ZNF107: variants seen among roughly 807,000 people sequenced by gnomAD.
The protein encoded by ZNF107 is zinc finger protein 107.
A neutral mutation model predicts 12.3 loss-of-function variants in ZNF107; 19 were observed. The ratio of observed to expected loss-of-function variants is 1.55; its 90% CI spans 1.08 to 2.27. ZNF107 has a LOEUF of 2.27. ZNF107 is among the 30% of genes most tolerant of loss of function. The probability of loss-of-function intolerance (pLI) is 0.00; values close to 1 mark genes in which losing one functional copy is unlikely to be tolerated. For synonymous variants in ZNF107, 317 were observed against 330.5 expected, an observed-to-expected ratio of 0.96 and a Z score of 0.44; for missense variants, 958 against 979.9, an observed-to-expected ratio of 0.98 and a Z score of 0.30.
chr7:64,703,585 A>G (rs1790544100), intron 3 of ZNF107, among the ~76,000 whole-genome samples: 1 of 152,078 alleles, frequency 6.6e-6, no homozygotes. Context: ...ACCCACCACC[A>G]TGCCCAGCTA....
chr7:64,704,942 G>A (rs1790591193), intron 3 of ZNF107, among the ~76,000 whole-genome samples: 2 of 152,254 alleles, frequency 1.3e-5, no homozygotes, highest in South Asian at 4.1e-4. Context: ...GTCTCCCAAT[G>A]TGCTGGGATT....
chr7:64,679,294 C>T (rs1205849377), intron 1 of ZNF107: 2 of 985,034 alleles, frequency 2.0e-6, no homozygotes, highest in African/African-American at 3.5e-5. Flanking sequence ...ACCTCGGTAC[C>T]TCGGACCAGC....
At chr7:64,693,092 G>A (rs1242103482) in intron 3 of ZNF107, among the ~76,000 whole-genome samples, 1 of 151,630 alleles carries the variant, frequency 6.6e-6, no homozygotes. Flanking sequence ...TCTGCCTCCC[G>A]GGTTCACACC....
At chr7:64,693,577 TTTATTGGC>T (rs1790191657) in intron 3 of ZNF107, among the ~76,000 whole-genome samples, 1 of 151,960 alleles carries the variant, frequency 6.6e-6, no homozygotes, top group African/African-American at 2.4e-5. Context: ...AGGGTCCACC[TTTATTGGC>T]TTGTTACTAG....
intron 1 of ZNF107, among the ~76,000 whole-genome samples, chr7:64,678,234 A>C (rs996496366): frequency 6.6e-6 from 1 of 152,230 alleles, no homozygotes; most frequent in African/African-American, 2.4e-5. Context: ...GAGCACACAA[A>C]AGTTGAGCAC....
chr7:64,707,256 C>A lies in ZNF107; in HGVS notation c.1159C>A (p.His387Asn). Residue 387 changes from histidine (H) to asparagine (N), a missense_variant, in exon 4 of 4, where the codon CAT (histidine) becomes AAT (asparagine). His to Asn is a moderately conservative substitution (Grantham distance 68). Transcript: ENST00000620827. ...AFNRSLKLTA[H>N]KKILMEEKPY... Reference sequence around the variant, plus strand: ...TAACCGATCCTTAAAACTTACTGCACATAAGAAAATTCTAATGGAAGAGAA... The same window carrying A: ...TAACCGATCCTTAAAACTTACTGCAAATAAGAAAATTCTAATGGAAGAGAA... The A allele has an allele frequency of 6.2e-7, 1 of 1,613,206 alleles. No homozygotes were observed. Among genetic ancestry groups the A allele is most frequent in the African/African-American group, 1.3e-5 (1 of 74,924 alleles).
chr7:64,680,912 C>T (rs1461443081), intron 1 of ZNF107, among the ~76,000 whole-genome samples: 4 of 152,170 alleles, frequency 2.6e-5, no homozygotes, highest in Non-Finnish European at 5.9e-5. Flanking sequence ...GATTTCAAGG[C>T]ATCCAGACCG....
At chr7:64,674,943 A>T (rs755717450) in intron 1 of ZNF107, among the ~76,000 whole-genome samples, 1 of 152,230 alleles carries the variant, frequency 6.6e-6, no homozygotes, top group Non-Finnish European at 1.5e-5. Flanking sequence ...CTTATATGCC[A>T]GGGATAAAGT....
intron 1 of ZNF107, among the ~76,000 whole-genome samples, chr7:64,678,376 G>C (rs369981708): frequency 6.6e-6 from 1 of 152,286 alleles, no homozygotes; most frequent in East Asian, 1.9e-4. Context: ...CATTGCAAAA[G>C]CGAGGTTCAG....
chr7:64,709,891 A>G lies in ZNF107; in HGVS notation c.*1235A>G. ...TGTAATGCCAGCACTTTGGGAGGCC[A>G]AGGTGGGTGGATCACCTGAGGGCAG... On this transcript the variant is annotated 3_prime_UTR_variant, in exon 4 of 4. Transcript: ENST00000620827. 1 of 355,816 alleles carries G rather than the reference A, an allele frequency of 2.8e-6. No individual in the cohort carries two copies. The highest frequency in any genetic ancestry group is 5.4e-6 in the Non-Finnish European group (1 of 185,932). 22.0% of individuals were successfully genotyped at this position (355,816 alleles called of 1,614,324 possible).
At chr7:64,690,878 A>G (rs902424149) in intron 1 of ZNF107, among the ~76,000 whole-genome samples, 13 of 152,066 alleles carry the variant, frequency 8.5e-5, no homozygotes, top group African/African-American at 3.1e-4. Context: ...AGTAACTGGG[A>G]TTACAGACAT....
chr7:64,676,552 G>A (rs1009520613), intron 1 of ZNF107, among the ~76,000 whole-genome samples: 14 of 152,116 alleles, frequency 9.2e-5, no homozygotes, highest in Admixed American at 6.5e-5. Flanking sequence ...GTGCACCTGT[G>A]AAAGCAAATT....
intron 1 of ZNF107, chr7:64,687,284 T>C (rs1309375304): frequency 1.0e-6 from 1 of 985,394 alleles, no homozygotes; most frequent in Admixed American, 6.2e-5. Flanking sequence ...TCCAGCAGAG[T>C]GATTTCCATG....
intron 1 of ZNF107, among the ~76,000 whole-genome samples, chr7:64,681,201 C>T (rs139941215): frequency 6.2e-4 from 94 of 152,154 alleles, no homozygotes; most frequent in African/African-American, 2.1e-3. Context: ...TCATGGACCT[C>T]GGGTAACTCT....
Position 64,707,158 on chromosome 7 carries a change from C to T in ZNF107, c.1061C>T (p.Ser354Leu), listed in dbSNP as rs370068266. The change falls in exon 4 of 4, where the codon TCA becomes TTA. Residue 354 changes from serine (S) to leucine (L), a missense_variant. Physicochemically the swap from Ser to Leu is moderately radical, Grantham distance 145. Transcript: ENST00000620827. Reference protein sequence around the residue: ...KECGRAFNISSNLNKQEKIHT... With the variant: ...KECGRAFNISLNLNKQEKIHT... ...TGTGGCAGAGCTTTTAACATATCCT[C>T]AAACCTTAATAAACAGGAGAAAATT... 13 of 1,613,612 alleles carry T rather than the reference C, an allele frequency of 8.1e-6. No homozygotes were observed. Among genetic ancestry groups the T allele is most frequent in the Non-Finnish European group, 9.3e-6 (11 of 1,179,838 alleles).
Position 64,709,637 on chromosome 7 carries a change from CT to C in ZNF107, c.*985del. On this transcript the variant is annotated 3_prime_UTR_variant, in exon 4 of 4. Transcript: ENST00000620827. Reference sequence around the variant, plus strand: ...TGGAAGTGTAAAAAATGTGGCAACACTTTTAATAAATGCTCACCCCTTATTG... The same window carrying C: ...TGGAAGTGTAAAAAATGTGGCAACACTTTAATAAATGCTCACCCCTTATTG... 2.2e-6 allele frequency: 1 copy of C among 444,954 alleles called. No homozygotes were observed. The highest frequency in any genetic ancestry group is 4.5e-6 in the Non-Finnish European group (1 of 224,276). 27.6% of individuals were successfully genotyped at this position (444,954 alleles called of 1,614,324 possible). A position where few individuals can be genotyped will look rare whatever the true frequency, so the allele number is the denominator to read the frequency against.
In ZNF107 at chr7:64,666,219, C is replaced by T; in HGVS notation, c.-64C>T. On this transcript the variant is annotated 5_prime_UTR_variant, in exon 1 of 4. Transcript: ENST00000620827. ...CTCCTAGAGGCCCAGCCTCTGTGTC[C>T]CTGTGACCTGCAGATATTGGGAGAT... is the stretch of plus-strand genomic sequence containing the variant. 6.3e-7 allele frequency: 1 copy of T among 1,596,048 alleles called. No individual in the cohort carries two copies. Among genetic ancestry groups the T allele is most frequent in the East Asian group, 2.3e-5 (1 of 44,144 alleles).
In ZNF107 at chr7:64,685,286, A is replaced by G. The variant is rs139185072; in HGVS notation, c.4-5962A>G. ...CTACCTCTAGGTCACCTACTGTTCC[A>G]TCAGTGCAACTACGCCTTGCAGCTT... On this transcript the variant is annotated intron_variant, in intron 1 of 3. Coordinates refer to ENST00000620827, the MANE Select transcript of ZNF107 (RefSeq NM_001282359.2). Among the ~76,000 whole-genome samples, 1,027 of 152,272 alleles carry G rather than the reference A, an allele frequency of 6.7e-3. 12 individuals are homozygous for G. Among genetic ancestry groups the G allele is most frequent in the African/African-American group, 0.024 (978 of 41,564 alleles).
At chr7:64,704,179 C>T (rs1181043484) in intron 3 of ZNF107, among the ~76,000 whole-genome samples, 1 of 151,944 alleles carries the variant, frequency 6.6e-6, no homozygotes, top group Non-Finnish European at 1.5e-5. Context: ...ATTAAAAATG[C>T]TTTATGCGCC....
Sources: allele counts gnomAD v4.1 joint callset (sites outside exome capture counted in the v4.1 genomes callset), GRCh38; gene constraint gnomAD v4.1.1; transcripts MANE v1.5; gene names NCBI Gene and HGNC (gene_info 2026-07-23, HGNC 2026-07-21).